PALD1: variants seen among roughly 807,000 people sequenced by gnomAD.
PALD1 encodes the protein paladin.
Under a neutral mutation model 96.0 loss-of-function variants are expected in PALD1, and 57 were observed. That is an observed-to-expected ratio of 0.59 (90% CI 0.48 to 0.74). The LOEUF is 0.74. PALD1 is among the 30% of genes least tolerant of loss of function. The probability of loss-of-function intolerance (pLI) is 0.00; values close to 1 mark genes in which losing one functional copy is unlikely to be tolerated. For synonymous variants in PALD1, 464 were observed against 473.6 expected, an observed-to-expected ratio of 0.98 and a Z score of 0.26; for missense variants, 1,063 against 1,143.7, an observed-to-expected ratio of 0.93 and a Z score of 1.02.
intron 1 of PALD1, among the ~76,000 whole-genome samples, chr10:70,524,253 C>T (rs185378783): frequency 5.3e-5 from 8 of 152,304 alleles, no homozygotes; most frequent in Middle Eastern, 6.8e-3. Flanking sequence ...CAGCTTGCCC[C>T]GATCCCCAGT....
Position 70,506,046 on chromosome 10 carries a change from A to T in PALD1, c.-29-19877A>T, listed in dbSNP as rs755585337. ...AAAAAAAAAAAATAGTATTCTTTGG[A>T]CTAGAGGCTGGGTCAGCTCCAACTC... is the stretch of plus-strand genomic sequence containing the variant. On this transcript the variant is annotated intron_variant, in intron 1 of 19. Coordinates refer to ENST00000263563, the MANE Select transcript of PALD1 (RefSeq NM_014431.3). Among the ~76,000 whole-genome samples the T allele has an allele frequency of 1.2e-3, 185 of 152,022 alleles. 3 individuals carry two copies. The highest frequency in any genetic ancestry group is 2.9e-4 in the Non-Finnish European group (20 of 67,996).
chr10:70,526,189 G>T (rs1249182424), intron 2 of PALD1, 53 bp downstream of exon 2: 2 of 1,494,222 alleles, frequency 1.3e-6, no homozygotes, highest in South Asian at 2.3e-5. Context: ...ATGGGCGGGG[G>T]GACCTGCTTG....
intron 18 of PALD1, among the ~76,000 whole-genome samples, chr10:70,563,033 C>G (rs1847773490): frequency 6.6e-6 from 1 of 152,092 alleles, no homozygotes; most frequent in Non-Finnish European, 1.5e-5. Context: ...AACGTGTAAC[C>G]TTAGCTATAG....
intron 18 of PALD1, among the ~76,000 whole-genome samples, chr10:70,556,308 G>GTCTCTGTCTCTGTC (rs1554862656): frequency 0.017 from 1,136 of 68,262 alleles, 18 homozygotes; most frequent in African/African-American, 0.056. Context: ...CTCTCTCTCT[G>GTCTCTGTCTCTGTC]TCTCTGTCTC....
intron 18 of PALD1, among the ~76,000 whole-genome samples, chr10:70,556,577 CA>C (rs760049766): frequency 1.4e-4 from 21 of 152,158 alleles, no homozygotes; most frequent in Non-Finnish European, 3.1e-4. Context: ...CTCAGCCTCC[CA>C]AAGTGCTGGG....
chr10:70,566,336 G>T (rs1429753132), intron 19 of PALD1, among the ~76,000 whole-genome samples: 1 of 152,212 alleles, frequency 6.6e-6, no homozygotes, highest in Non-Finnish European at 1.5e-5. Context: ...TGCTATCTGT[G>T]TGGAGCACTC....
At chr10:70,492,205 C>CT (rs1307383769) in intron 1 of PALD1, among the ~76,000 whole-genome samples, 1 of 152,134 alleles carries the variant, frequency 6.6e-6, no homozygotes, top group African/African-American at 2.4e-5. Context: ...GGTTGCACAA[C>CT]TTTGTGAATA....
intron 4 of PALD1, among the ~76,000 whole-genome samples, 181 bp from the exon 5 acceptor site, chr10:70,531,109 G>C (rs55665811): frequency 2.0e-5 from 3 of 152,180 alleles, no homozygotes; most frequent in Non-Finnish European, 4.4e-5. Context: ...CTGACTGGGA[G>C]GGTCACAGGG....
intron 1 of PALD1, among the ~76,000 whole-genome samples, chr10:70,489,042 C>G (rs1251232043): frequency 6.6e-6 from 1 of 152,190 alleles, no homozygotes; most frequent in Non-Finnish European, 1.5e-5. Context: ...TGAAGTGTCA[C>G]TGGAAGGAAT....
chr10:70,558,740 G>A (rs945906359), intron 18 of PALD1, among the ~76,000 whole-genome samples: 64 of 152,004 alleles, frequency 4.2e-4, no homozygotes, highest in African/African-American at 1.5e-3. Context: ...AGAAAGGCAC[G>A]TTTTAAGAGA....
chr10:70,467,497 G>A, the PALD1 span, among the ~76,000 whole-genome samples: 779 of 152,258 alleles, frequency 5.1e-3, 9 homozygotes, highest in African/African-American at 0.018. Flanking sequence ...CATGTGTGGA[G>A]AAGGGTGAAG....
At chr10:70,564,773 G>A (rs1299448489) in intron 19 of PALD1, among the ~76,000 whole-genome samples, 1 of 152,224 alleles carries the variant, frequency 6.6e-6, no homozygotes, top group Non-Finnish European at 1.5e-5. Flanking sequence ...GAGGAGGAGG[G>A]AGGGGACAGA....
At chr10:70,485,670 A>G (rs1846007611) in intron 1 of PALD1, 1 of 152,042 alleles carries the variant, frequency 6.6e-6, no homozygotes, top group Admixed American at 6.6e-5. Flanking sequence ...CCGGCCCCCC[A>G]AAGTGCTGGG....
At chr10:70,543,902 C>T (rs1029170694) in intron 17 of PALD1, among the ~76,000 whole-genome samples, 1 of 152,042 alleles carries the variant, frequency 6.6e-6, no homozygotes, top group African/African-American at 2.4e-5. Context: ...AGTTTATTAC[C>T]CTAGGGCCAC....
chr10:70,468,897 TA>T, the PALD1 span, among the ~76,000 whole-genome samples: 2 of 152,140 alleles, frequency 1.3e-5, no homozygotes, highest in African/African-American at 4.8e-5. Context: ...AGACTGAGAC[TA>T]GGGGCACACA....
intron 1 of PALD1, among the ~76,000 whole-genome samples, chr10:70,500,379 G>A (rs758491126): frequency 3.3e-5 from 5 of 152,094 alleles, no homozygotes; most frequent in African/African-American, 7.2e-5. Flanking sequence ...ATCACACCCC[G>A]CAGAGCAACA....
At chr10:70,566,208 C>A (rs369534825) in intron 19 of PALD1, among the ~76,000 whole-genome samples, 128 of 152,308 alleles carry the variant, frequency 8.4e-4, no homozygotes, top group African/African-American at 3.0e-3. Flanking sequence ...GAGGCCATAG[C>A]CTTACCTGCC....
At chr10:70,495,134 C>T (rs558417639) in intron 1 of PALD1, among the ~76,000 whole-genome samples, 5 of 152,362 alleles carry the variant, frequency 3.3e-5, no homozygotes, top group East Asian at 3.9e-4. Flanking sequence ...CTGCACGGGC[C>T]GTTCCCTCTG....
intron 18 of PALD1, among the ~76,000 whole-genome samples, chr10:70,553,708 C>A (rs540010174): frequency 9.8e-5 from 15 of 152,300 alleles, no homozygotes; most frequent in South Asian, 4.1e-4. Flanking sequence ...AGACCCGGCC[C>A]CTGACTCCCA....
Sources: allele counts gnomAD v4.1 joint callset (sites outside exome capture counted in the v4.1 genomes callset), GRCh38; gene constraint gnomAD v4.1.1; transcripts MANE v1.5; gene names NCBI Gene and HGNC (gene_info 2026-07-23, HGNC 2026-07-21).